The following FTCDNL1 variants were observed in gnomAD, a reference collection of about 807,000 sequenced individuals.
FTCDNL1 encodes the protein formiminotransferase cyclodeaminase N-terminal like, also known as formiminotransferase N-terminal subdomain-containing protein.
In FTCDNL1, 11 loss-of-function variants were observed where a neutral mutation model predicts 5.9. That is an observed-to-expected ratio of 1.87 (90% CI 1.18 to 3.10). FTCDNL1 has a LOEUF of 3.10. Ranked by LOEUF, FTCDNL1 falls within the 30% of genes most tolerant of loss-of-function variation. The pLI is 0.00. For missense variants in FTCDNL1, 115 were observed against 65.5 expected (o/e 1.76, Z -2.61); for synonymous variants, 58 against 24.8 (o/e 2.34, Z -3.99).
chr2:199,673,668 A>T, the FTCDNL1 span, among the ~76,000 whole-genome samples: 4 of 152,206 alleles, frequency 2.6e-5, no homozygotes, highest in African/African-American at 9.6e-5. Context: ...TTAGATGCAT[A>T]AACAAGACAT....
At chr2:199,748,832 T>C in the FTCDNL1 span, among the ~76,000 whole-genome samples, 1 of 152,206 alleles carries the variant, frequency 6.6e-6, no homozygotes, top group East Asian at 1.9e-4. Context: ...CTCTGGATTC[T>C]GACATGATGT....
chr2:199,796,059 T>C (rs1167176214), intron 3 of FTCDNL1, among the ~76,000 whole-genome samples: 1 of 152,138 alleles, frequency 6.6e-6, no homozygotes, highest in Non-Finnish European at 1.5e-5. Flanking sequence ...AGAAATGATA[T>C]AAAACAGATT....
intron 3 of FTCDNL1, among the ~76,000 whole-genome samples, chr2:199,793,312 C>T (rs1386876159): frequency 1.3e-5 from 2 of 151,916 alleles, no homozygotes; most frequent in African/African-American, 4.8e-5. Context: ...TTATCTAGTC[C>T]TCAACAGAAA....
At chr2:199,724,447 G>A in the FTCDNL1 span, among the ~76,000 whole-genome samples, 106 of 151,798 alleles carry the variant, frequency 7.0e-4, no homozygotes, top group African/African-American at 2.4e-3. Context: ...TTTGCTCTTG[G>A]TTCCCTAGTT....
intron 4 of FTCDNL1, among the ~76,000 whole-genome samples, chr2:199,813,900 G>A (rs1012440935): frequency 1.2e-4 from 15 of 126,812 alleles, no homozygotes; most frequent in African/African-American, 1.8e-4. Context: ...GTGACAGAGC[G>A]AGACTCTGTC....
intron 3 of FTCDNL1, among the ~76,000 whole-genome samples, chr2:199,833,349 A>G (rs911531662): frequency 1.7e-5 from 2 of 114,424 alleles, no homozygotes; most frequent in Non-Finnish European, 3.9e-5. Context: ...TGGTTAGTTC[A>G]TGCTGATCAG....
intron 3 of FTCDNL1, among the ~76,000 whole-genome samples, chr2:199,835,285 C>T (rs941886922): frequency 3.3e-5 from 5 of 152,028 alleles, no homozygotes; most frequent in South Asian, 2.1e-4. Flanking sequence ...ACACAGGCTA[C>T]GGGGAAAAGA....
At chr2:199,699,726 G>A in the FTCDNL1 span, among the ~76,000 whole-genome samples, 1 of 152,162 alleles carries the variant, frequency 6.6e-6, no homozygotes, top group African/African-American at 2.4e-5. Context: ...TTGTTTTTGG[G>A]ATGCAAGGTT....
the FTCDNL1 span, among the ~76,000 whole-genome samples, chr2:199,685,248 G>A: frequency 0.66 from 99,648 of 151,980 alleles, 36,185 homozygotes; most frequent in South Asian, 0.9. Flanking sequence ...ACCTGCAGGC[G>A]AAGGAAATAC....
chr2:199,843,126 C>T (rs2076636251), intron 3 of FTCDNL1, among the ~76,000 whole-genome samples: 1 of 152,036 alleles, frequency 6.6e-6, no homozygotes, highest in African/African-American at 2.4e-5. Context: ...TAAATTAGTT[C>T]AAGAATGCAG....
At chr2:199,742,310 C>T in the FTCDNL1 span, among the ~76,000 whole-genome samples, 1 of 152,126 alleles carries the variant, frequency 6.6e-6, no homozygotes, top group African/African-American at 2.4e-5. Flanking sequence ...GGGTACCTCC[C>T]TCCATTTACT....
At chr2:199,692,571 G>T in the FTCDNL1 span, among the ~76,000 whole-genome samples, 1 of 152,122 alleles carries the variant, frequency 6.6e-6, no homozygotes, top group African/African-American at 2.4e-5. Flanking sequence ...GGCCTTGTTG[G>T]TATATAGATC....
At position 199,810,455 on chromosome 2, in the gene FTCDNL1, T is replaced by C. The variant is rs1167240073; in HGVS notation, c.*2250A>G. Reference sequence around the variant, plus strand: ...AAAAGAGTTCCCTCACACAGACTTATAAACCTCGTGCCTTTCTCTTTGTGA... The same window carrying C: ...AAAAGAGTTCCCTCACACAGACTTACAAACCTCGTGCCTTTCTCTTTGTGA... On this transcript the variant is annotated 3_prime_UTR_variant, in exon 5 of 5. Coordinates refer to ENST00000420128, the MANE Select transcript of FTCDNL1 (RefSeq NM_001363886.2). Among the ~76,000 whole-genome samples, 1 of 152,170 alleles carries C rather than the reference T, an allele frequency of 6.6e-6. No individual in the cohort carries two copies. The highest frequency in any genetic ancestry group is 1.5e-5 in the Non-Finnish European group (1 of 68,044).
exon 4 of FTCDNL1, chr2:199,760,762 G>A (rs2106241624): frequency 2.8e-6 from 2 of 702,300 alleles, no homozygotes; most frequent in South Asian, 3.0e-5. Flanking sequence ...TCTGTGGATT[G>A]CTCTGCCCTC....
the FTCDNL1 span, among the ~76,000 whole-genome samples, chr2:199,689,603 T>C: frequency 6.6e-6 from 1 of 152,082 alleles, no homozygotes; most frequent in Non-Finnish European, 1.5e-5. Context: ...AATGCTCAGT[T>C]TTTTGGGGGG....
At chr2:199,830,416 G>A (rs1450350940) in intron 3 of FTCDNL1, among the ~76,000 whole-genome samples, 2 of 152,146 alleles carry the variant, frequency 1.3e-5, no homozygotes, top group Admixed American at 1.3e-4. Flanking sequence ...GTCTATGAAA[G>A]GGGGGTGGTG....
At chr2:199,703,206 T>G in the FTCDNL1 span, among the ~76,000 whole-genome samples, 1 of 141,710 alleles carries the variant, frequency 7.1e-6, no homozygotes. Flanking sequence ...CCCTCCCCCC[T>G]GCCCCCACCC....
the FTCDNL1 span, among the ~76,000 whole-genome samples, chr2:199,717,093 C>A: frequency 1.3e-5 from 2 of 152,274 alleles, no homozygotes; most frequent in African/African-American, 2.4e-5. Flanking sequence ...GAAAAAAATT[C>A]TCTCAGGAGC....
the FTCDNL1 span, among the ~76,000 whole-genome samples, chr2:199,718,767 CGTT>C: frequency 6.6e-6 from 1 of 152,090 alleles, no homozygotes. Context: ...GACGCTATCT[CGTT>C]GTGATTTCAA....
Sources: allele counts gnomAD v4.1 joint callset (sites outside exome capture counted in the v4.1 genomes callset), GRCh38; gene constraint gnomAD v4.1.1; transcripts MANE v1.5; gene names NCBI Gene and HGNC (gene_info 2026-07-23, HGNC 2026-07-21).